ALG1L2: variants seen among roughly 807,000 people sequenced by gnomAD.
The protein encoded by ALG1L2 is ALG1 chitobiosyldiphosphodolichol beta-mannosyltransferase like 2.
A neutral mutation model predicts 29.0 loss-of-function variants in ALG1L2; 32 were observed. The ratio of observed to expected loss-of-function variants is 1.10; its 90% CI spans 0.83 to 1.48. The LOEUF (loss-of-function observed/expected upper bound fraction) is 1.48. Among genes scored for constraint, ALG1L2 ranks in the 40% most tolerant of loss-of-function variants. ALG1L2 has a pLI of 0.00. For synonymous variants in ALG1L2, 110 were observed against 109.5 expected (o/e 1.00, Z -0.03); for missense variants, 318 against 274.1 (o/e 1.16, Z -1.13).
chr3:130,081,936 T>A lies in ALG1L2; in HGVS notation c.-81T>A. 1 of 1,390,816 alleles carries A rather than the reference T, an allele frequency of 7.2e-7. No homozygotes were observed. The highest frequency in any genetic ancestry group is 9.9e-7 in the Non-Finnish European group (1 of 1,005,294). 86.2% of individuals were successfully genotyped at this position (1,390,816 alleles called of 1,614,324 possible). ...CTTCTCCAGGATCAGCAGAGCTCGA[T>A]TGTAGGGTGTGAGGCTGTCACAGAG... On this transcript the variant is annotated 5_prime_UTR_variant, in exon 1 of 8. It adds an upstream start codon to the 5' untranslated region. Transcript: ENST00000425059.
chr3:130,087,188 C>T lies in ALG1L2; in HGVS notation c.21-4073C>T, dbSNP rs191919917. ...ATTCACTTTGGTGTAATGGGGTAAACCATCAACATGTCCCTCCTGATGCAA... is the reference window on the plus strand; with the variant it reads ...ATTCACTTTGGTGTAATGGGGTAAATCATCAACATGTCCCTCCTGATGCAA... On this transcript the variant is annotated intron_variant, in intron 1 of 7. Coordinates refer to ENST00000425059, the MANE Select transcript of ALG1L2 (RefSeq NM_001136152.1). Among the ~76,000 whole-genome samples, 378 of 149,742 alleles carry T rather than the reference C, an allele frequency of 2.5e-3. 1 individual carries two copies. The highest frequency in any genetic ancestry group is 8.9e-3 in the African/African-American group (367 of 41,334).
In ALG1L2 at chr3:130,096,800, T is replaced by C. The variant is rs985226898; in HGVS notation, c.540-375T>C. ...GAGCTGAGGGAATGTCGGGATCAAA[T>C]CTGGTGTCCTAGAAAAGTCATCTTT... is the stretch of plus-strand genomic sequence containing the variant. On this transcript the variant is annotated intron_variant, in intron 6 of 7. Transcript: ENST00000425059. 7.2e-5 allele frequency among the ~76,000 whole-genome samples: 11 copies of C among 152,340 alleles called. No individual in the cohort carries two copies. The East Asian group carries it at 9.6e-4, about 13-fold the overall frequency.
At chr3:130,087,217 A>T (rs1276035278) in intron 1 of ALG1L2, among the ~76,000 whole-genome samples, 1 of 150,612 alleles carries the variant, frequency 6.6e-6, no homozygotes, top group African/African-American at 2.4e-5. Context: ...GATGCAATGC[A>T]CAGAGAACAT....
chr3:130,086,035 T>C (rs1934882093), intron 1 of ALG1L2, among the ~76,000 whole-genome samples: 1 of 151,514 alleles, frequency 6.6e-6, no homozygotes, highest in Admixed American at 6.6e-5. Flanking sequence ...TGCCTCACTT[T>C]TGTTCACGGG....
intron 1 of ALG1L2, 43 bp downstream of exon 1, chr3:130,082,079 A>G (rs765076489): frequency 6.7e-7 from 1 of 1,490,186 alleles, no homozygotes; most frequent in African/African-American, 1.4e-5. Flanking sequence ...ATGCAGAGAA[A>G]CCCTGGGTTG....
At chr3:130,095,186 A>C (rs573731146) in intron 5 of ALG1L2, among the ~76,000 whole-genome samples, 1 of 152,082 alleles carries the variant, frequency 6.6e-6, no homozygotes, top group African/African-American at 2.4e-5. Context: ...GCTCTCCACA[A>C]CACCTTGCTT....
intron 7 of ALG1L2, 82 bp from the exon 8 acceptor site, chr3:130,098,141 G>T: frequency 1.3e-6 from 2 of 1,574,634 alleles, no homozygotes; most frequent in Non-Finnish European, 1.7e-6. Flanking sequence ...AGGGGTTGTT[G>T]TTGGGTCGGG....
At position 130,092,235 on chromosome 3, in the gene ALG1L2, A is replaced by G. The variant is rs750191546; in HGVS notation, c.253+13A>G. 14 of 1,606,250 alleles carry G rather than the reference A, an allele frequency of 8.7e-6. No homozygotes were observed. Among genetic ancestry groups the G allele is most frequent in the Non-Finnish European group, 1.2e-5 (14 of 1,177,338 alleles). On this transcript the variant is annotated intron_variant, in intron 3 of 7. Transcript: ENST00000425059. ...ACAAGCTGGACAGGTCTGCATGACC[A>G]CTGGGGCACTTGGGGTTGGTGTGAA...
At position 130,095,362 on chromosome 3, in the gene ALG1L2, G is replaced by A. The variant is rs550912187; in HGVS notation, c.425-687G>A. On this transcript the variant is annotated intron_variant, in intron 5 of 7. Coordinates refer to ENST00000425059, the MANE Select transcript of ALG1L2 (RefSeq NM_001136152.1). ...AATCTTTAGAAATGTTTAGCTATTT[G>A]GCTTTATTTTCACACTGACAGCTGG... is the stretch of plus-strand genomic sequence containing the variant. Among the ~76,000 whole-genome samples, 3 of 151,548 alleles carry A rather than the reference G, an allele frequency of 2.0e-5. No homozygotes were observed. In the East Asian group the frequency reaches 5.8e-4, roughly 30 times the overall value.
At chr3:130,085,601 A>G (rs1253947679) in intron 1 of ALG1L2, among the ~76,000 whole-genome samples, 1 of 151,304 alleles carries the variant, frequency 6.6e-6, no homozygotes, top group Non-Finnish European at 1.5e-5. Context: ...ACCTGATTTT[A>G]ACTTGACTAC....
At chr3:130,085,879 C>A (rs1352340325) in intron 1 of ALG1L2, among the ~76,000 whole-genome samples, 1 of 151,134 alleles carries the variant, frequency 6.6e-6, no homozygotes, top group Non-Finnish European at 1.5e-5. Flanking sequence ...TCCCGCAGCA[C>A]TTAGCAGCCC....
At chr3:130,082,967 TCTC>T (rs1376618494) in intron 1 of ALG1L2, among the ~76,000 whole-genome samples, 1 of 134,108 alleles carries the variant, frequency 7.5e-6, no homozygotes, top group African/African-American at 2.5e-5. Flanking sequence ...CAAGGAACCC[TCTC>T]CCAGCCTTTT....
chr3:130,089,960 T>A (rs1230517883), intron 1 of ALG1L2, among the ~76,000 whole-genome samples: 2 of 152,310 alleles, frequency 1.3e-5, no homozygotes, highest in Non-Finnish European at 2.9e-5. Flanking sequence ...GAGAATCGCT[T>A]GATTCCTGGA....
At chr3:130,090,922 C>A (rs540040116) in intron 1 of ALG1L2, 1 of 301,304 alleles carries the variant, frequency 3.3e-6, no homozygotes, top group Admixed American at 4.6e-5. Flanking sequence ...GAGCAACAGA[C>A]TAAGACATTC....
chr3:130,091,145 A>C, intron 1 of ALG1L2, 116 bp from the exon 2 acceptor site: 1 of 915,426 alleles, frequency 1.1e-6, no homozygotes, highest in Admixed American at 2.3e-5. Flanking sequence ...GAAGGAAATA[A>C]AGGTTGTTTT....
Position 130,097,185 on chromosome 3 carries a change from C to T in ALG1L2, c.550C>T (p.Leu184=). Residue 184 remains leucine (L), a synonymous_variant, in exon 7 of 8, where the codon CTG becomes TTG. Transcript: ENST00000425059. ...CAVNFKCLHE[L]VKHEENRLVF... ...TTGTTCTCTCTGCAGTTTACATGAG[C>T]TGGTGAAACATGAAGAAAACCGCCT... 1 of 1,611,952 alleles carries T rather than the reference C, an allele frequency of 6.2e-7. No homozygotes were observed. Among genetic ancestry groups the T allele is most frequent in the Non-Finnish European group, 8.5e-7 (1 of 1,179,844 alleles).
chr3:130,082,840 C>T (rs1162144345), intron 1 of ALG1L2, among the ~76,000 whole-genome samples: 1 of 146,256 alleles, frequency 6.8e-6, no homozygotes, highest in African/African-American at 2.4e-5. Context: ...GGGAAGCCTA[C>T]TATGTCCACA....
intron 2 of ALG1L2, 75 bp downstream of exon 2, chr3:130,091,446 T>G: frequency 6.9e-7 from 1 of 1,457,672 alleles, no homozygotes; most frequent in Non-Finnish European, 9.3e-7. Context: ...ACTGCAGACC[T>G]GGGAACCCAC....
intron 1 of ALG1L2, 58 bp from the exon 2 acceptor site, chr3:130,091,203 G>A (rs1248540248): frequency 1.0e-5 from 16 of 1,530,996 alleles, no homozygotes; most frequent in African/African-American, 1.4e-5. Context: ...AGTGGTTTGA[G>A]CAGAAAGTAG....
Sources: gnomAD v4.1 joint callset for allele counts (sites outside exome capture counted in the v4.1 genomes callset) on GRCh38, gnomAD v4.1.1 for gene constraint, MANE v1.5 for transcripts, NCBI Gene and HGNC (gene_info 2026-07-23, HGNC 2026-07-21) for gene names.